The following RAB7A variants were observed in gnomAD, a reference collection of about 807,000 sequenced individuals.
RAB7A encodes the protein ras-related protein Rab-7a.
RAB7A carries 2 observed loss-of-function variants against 24.5 expected under a neutral mutation model. The observed-to-expected ratio is 0.08, with a 90% CI of 0.03 to 0.26. The LOEUF (loss-of-function observed/expected upper bound fraction) is 0.26, where lower values mean the gene tolerates loss of function less well. RAB7A is among the 10% of genes least tolerant of loss of function. The pLI is 1.00. For synonymous variants in RAB7A, 100 were observed against 95.9 expected (o/e 1.04, Z -0.25); for missense variants, 118 against 255.7 (o/e 0.46, Z 3.67).
chr3:128,761,155 C>T (rs919516226), intron 1 of RAB7A, among the ~76,000 whole-genome samples: 2 of 152,138 alleles, frequency 1.3e-5, no homozygotes, highest in Non-Finnish European at 2.9e-5. Context: ...AAAATTCTGG[C>T]CTGTATTCTT....
chr3:128,806,265 G>A (rs1035410765), intron 3 of RAB7A, 107 bp from the exon 4 acceptor site: 42 of 962,194 alleles, frequency 4.4e-5, no homozygotes, highest in Non-Finnish European at 6.4e-5. Flanking sequence ...ATTTGTCTTT[G>A]TGGGTGGCCC....
chr3:128,738,587 G>T (rs1225499626), intron 1 of RAB7A, among the ~76,000 whole-genome samples: 1 of 152,010 alleles, frequency 6.6e-6, no homozygotes, highest in African/African-American at 2.4e-5. Flanking sequence ...AGCTTTTCTT[G>T]ACCACTTACG....
At chr3:128,797,299 A>T (rs3772158) in intron 2 of RAB7A, among the ~76,000 whole-genome samples, 1 of 152,080 alleles carries the variant, frequency 6.6e-6, no homozygotes, top group African/African-American at 2.4e-5. Context: ...ATGGGGGGGA[A>T]GGTTTTTGTA....
chr3:128,770,716 GTTTCGTTC>G (rs1386069784), intron 1 of RAB7A, among the ~76,000 whole-genome samples: 3 of 152,098 alleles, frequency 2.0e-5, no homozygotes, highest in Admixed American at 2.0e-4. Flanking sequence ...GTGACTTATA[GTTTCGTTC>G]TTTCTGCTGT....
intron 1 of RAB7A, among the ~76,000 whole-genome samples, chr3:128,742,350 G>A (rs553056295): frequency 6.6e-5 from 10 of 152,274 alleles, no homozygotes; most frequent in South Asian, 2.1e-4. Flanking sequence ...TGCAAAGAGC[G>A]AAAGAACAAA....
In RAB7A at chr3:128,728,758, C is replaced by T. The variant is rs115590974; in HGVS notation, c.-9+2399C>T. ...GATTACAGGCATGAGCCACTGCGCC[C>T]GGCCGACTCTGGTAGCATTTTTTTG... On this transcript the variant is annotated intron_variant, in intron 1 of 5. Coordinates refer to ENST00000265062, the MANE Select transcript of RAB7A (RefSeq NM_004637.6). Among the ~76,000 whole-genome samples, 511 of 152,268 alleles carry T rather than the reference C, an allele frequency of 3.4e-3. 4 individuals carry two copies. The highest frequency in any genetic ancestry group is 0.011 in the African/African-American group (466 of 41,546).
At chr3:128,765,050 T>TGCGCGGCGCTGGAGCGGCG in intron 1 of RAB7A, 2 of 1,230,392 alleles carry the variant, frequency 1.6e-6, no homozygotes, top group Non-Finnish European at 2.3e-6. Flanking sequence ...CGGCGGTGGC[T>TGCGCGGCGCTGGAGCGGCG]GCGCGGCGCT....
At chr3:128,768,362 G>T (rs1010283001) in intron 1 of RAB7A, among the ~76,000 whole-genome samples, 2 of 152,150 alleles carry the variant, frequency 1.3e-5, no homozygotes, top group Admixed American at 6.6e-5. Context: ...GTTTCTGGCT[G>T]TTACAACAAA....
chr3:128,765,987 C>G (rs1272767181), intron 1 of RAB7A, among the ~76,000 whole-genome samples: 1 of 152,122 alleles, frequency 6.6e-6, no homozygotes, highest in Non-Finnish European at 1.5e-5. Flanking sequence ...GTCTTGAACT[C>G]CTGACCTCAG....
chr3:128,794,955 CA>C (rs1197769094), intron 1 of RAB7A, among the ~76,000 whole-genome samples: 1 of 151,850 alleles, frequency 6.6e-6, no homozygotes, highest in Non-Finnish European at 1.5e-5. Context: ...GGATAGAGAG[CA>C]AATGAGGGGT....
chr3:128,809,057 C>T (rs1220145701), intron 5 of RAB7A, among the ~76,000 whole-genome samples: 1 of 152,148 alleles, frequency 6.6e-6, no homozygotes, highest in Non-Finnish European at 1.5e-5. Flanking sequence ...TTGTGTTTTT[C>T]TTAATGTTCA....
At chr3:128,794,607 A>AT (rs146778480) in intron 1 of RAB7A, among the ~76,000 whole-genome samples, 8,096 of 152,132 alleles carry the variant, frequency 0.053, 627 homozygotes, top group African/African-American at 0.17. Context: ...ATGAGAGGCA[A>AT]TTACAGCAGG....
intron 1 of RAB7A, among the ~76,000 whole-genome samples, chr3:128,738,719 T>G (rs2070517608): frequency 6.6e-6 from 1 of 152,244 alleles, no homozygotes; most frequent in South Asian, 2.1e-4. Flanking sequence ...CCAGACTGAT[T>G]TACCTGTTTT....
At chr3:128,780,784 A>G (rs963417849) in intron 1 of RAB7A, among the ~76,000 whole-genome samples, 3 of 152,228 alleles carry the variant, frequency 2.0e-5, no homozygotes, top group African/African-American at 7.2e-5. Context: ...CTTAGGGCCC[A>G]TGTGCCTATG....
intron 1 of RAB7A, among the ~76,000 whole-genome samples, chr3:128,791,230 C>T (rs1314771655): frequency 1.3e-5 from 2 of 151,944 alleles, no homozygotes; most frequent in African/African-American, 4.8e-5. Flanking sequence ...AAACCTCCGC[C>T]TCCTGAGTTC....
intron 1 of RAB7A, among the ~76,000 whole-genome samples, chr3:128,778,260 A>G (rs563118233): frequency 8.1e-4 from 124 of 152,310 alleles, no homozygotes; most frequent in African/African-American, 2.0e-3. Context: ...GTGGCTAGTA[A>G]CTGTTACATT....
intron 1 of RAB7A, among the ~76,000 whole-genome samples, chr3:128,758,170 G>A (rs1475668245): frequency 6.6e-6 from 1 of 151,598 alleles, no homozygotes; most frequent in East Asian, 1.9e-4. Context: ...CACTATATTG[G>A]TTAGGCTGGA....
chr3:128,728,883 G>A (rs2070406676), intron 1 of RAB7A, among the ~76,000 whole-genome samples: 1 of 152,098 alleles, frequency 6.6e-6, no homozygotes, highest in South Asian at 2.1e-4. Context: ...TTCTTCAGCT[G>A]GCAAGAAAGT....
intron 1 of RAB7A, among the ~76,000 whole-genome samples, chr3:128,783,306 C>T (rs1323762925): frequency 6.7e-6 from 1 of 149,960 alleles, no homozygotes; most frequent in Non-Finnish European, 1.5e-5. Context: ...AGTCATGATT[C>T]AAGTATGCTT....
Sources: gnomAD v4.1 joint callset for allele counts (sites outside exome capture counted in the v4.1 genomes callset) on GRCh38, gnomAD v4.1.1 for gene constraint, MANE v1.5 for transcripts, NCBI Gene and HGNC (gene_info 2026-07-23, HGNC 2026-07-21) for gene names.